RBM25: variants seen among roughly 807,000 people sequenced by gnomAD.
RBM25 encodes the protein RNA binding motif protein 25.
In RBM25, 19 loss-of-function variants were observed where a neutral mutation model predicts 120.7. That is an observed-to-expected ratio of 0.16 (90% CI 0.11 to 0.23). The LOEUF (loss-of-function observed/expected upper bound fraction) is 0.23, where lower values mean the gene tolerates loss of function less well. RBM25 is among the 10% of genes least tolerant of loss of function. The probability of loss-of-function intolerance (pLI) is 1.00; values close to 1 mark genes in which losing one functional copy is unlikely to be tolerated. For missense variants in RBM25, 605 were observed against 1,041.5 expected (o/e 0.58, Z 5.77); for synonymous variants, 390 against 326.7 (o/e 1.19, Z -2.09).
Position 73,105,959 on chromosome 14 carries a change from A to G in RBM25, c.1255A>G (p.Arg419Gly). 6.2e-7 allele frequency: 1 copy of G among 1,613,700 alleles called. No individual in the cohort carries two copies. Among genetic ancestry groups the G allele is most frequent in the East Asian group, 2.2e-5 (1 of 44,868 alleles). Residue 419 changes from arginine to glycine, a missense_variant, in exon 11 of 19, where the codon AGG (arginine) becomes GGG (glycine). Transcript: ENST00000261973. ...ACGGGAGCGAGAGAGAGAGCGAGAG[A>G]GGGAACGGGAGCGAGAAAGAGAAAA... Reference protein sequence around the residue: ...REREREREREREREREREKDK... With the variant: ...REREREREREGEREREREKDK...
intron 18 of RBM25, among the ~76,000 whole-genome samples, chr14:73,118,213 A>G (rs2140468986): frequency 6.6e-6 from 1 of 152,270 alleles, no homozygotes; most frequent in Admixed American, 6.5e-5. Context: ...CAGCAGCTCA[A>G]ACCTGTAATC....
chr14:73,089,417 C>T (rs931985865), intron 6 of RBM25, among the ~76,000 whole-genome samples: 5 of 152,020 alleles, frequency 3.3e-5, no homozygotes, highest in Non-Finnish European at 7.4e-5. Context: ...TGCAGTGGTG[C>T]GATCTTGGCT....
Position 73,077,534 on chromosome 14 carries a change from G to T in RBM25, c.322G>T (p.Ala108Ser). ...AGACATGCTTATAAGACAACTCTTA[G>T]CTGTAAGTTAAACTGTTTATTTTTC... ...ASDMLIRQLLAKCGLVLSWKR... is the reference protein window; with the variant it reads ...ASDMLIRQLLSKCGLVLSWKR... Residue 108 changes from alanine to serine, a missense_variant and splice_region_variant, in exon 4 of 19, where the codon GCT (alanine) becomes TCT (serine). Around this residue, in one of 4 missense-constraint regions of RBM25, gnomAD observed 27 missense variants for 109.4 expected, o/e 0.25. Transcript: ENST00000261973. The T allele has an allele frequency of 6.3e-7, 1 of 1,596,320 alleles. No individual in the cohort carries two copies.
chr14:73,097,910 T>C (rs2140450891), intron 7 of RBM25, among the ~76,000 whole-genome samples: 1 of 152,330 alleles, frequency 6.6e-6, no homozygotes, highest in South Asian at 2.1e-4. Flanking sequence ...AAGGTTTAGT[T>C]TTCTCATACT....
chr14:73,094,673 C>T (rs935995331), intron 6 of RBM25, among the ~76,000 whole-genome samples: 2 of 152,010 alleles, frequency 1.3e-5, no homozygotes, highest in Non-Finnish European at 2.9e-5. Flanking sequence ...CTTAGTGAGC[C>T]GCTGCACGCG....
Position 73,076,314 on chromosome 14 carries a change from C to T in RBM25, c.107-5C>T. On this transcript the variant is annotated splice_polypyrimidine_tract_variant and splice_region_variant and intron_variant, in intron 2 of 18. Transcript: ENST00000261973. ...GTAAAATCAGTGTGGTTTTTCTTTT[C>T]TTAGGGACCCCAATGATTCCTGTAC... The T allele has an allele frequency of 6.2e-7, 1 of 1,608,320 alleles. No individual in the cohort carries two copies. Among genetic ancestry groups the T allele is most frequent in the Non-Finnish European group, 8.5e-7 (1 of 1,175,728 alleles).
chr14:73,077,258 TTAAA>T, intron 3 of RBM25, 107 bp from the exon 4 acceptor site: 2 of 941,186 alleles, frequency 2.1e-6, no homozygotes, highest in South Asian at 4.0e-5. Flanking sequence ...CATGCAGAGC[TTAAA>T]TAATGTGCTA....
chr14:73,095,635 ATTAAT>A (rs1895926329), intron 6 of RBM25, among the ~76,000 whole-genome samples: 4 of 152,186 alleles, frequency 2.6e-5, no homozygotes. Flanking sequence ...TGTTGAGCAA[ATTAAT>A]TTAAGAAATA....
chr14:73,117,800 A>G (rs566345932), intron 18 of RBM25, among the ~76,000 whole-genome samples: 2 of 152,260 alleles, frequency 1.3e-5, no homozygotes, highest in South Asian at 4.2e-4. Flanking sequence ...TGAGTACTCT[A>G]AATTCCTACC....
At chr14:73,087,921 C>G (rs1298278795) in intron 5 of RBM25, 80 bp from the exon 6 acceptor site, 3 of 1,390,610 alleles carry the variant, frequency 2.2e-6, no homozygotes, top group Non-Finnish European at 2.9e-6. Context: ...CATTTGGACT[C>G]TAGTGATTCT....
intron 2 of RBM25, among the ~76,000 whole-genome samples, chr14:73,074,227 T>TG (rs1895359223): frequency 6.6e-6 from 1 of 152,268 alleles, no homozygotes; most frequent in Non-Finnish European, 1.5e-5. Context: ...TTTAATTTAT[T>TG]AATTTTTTTG....
chr14:73,067,689 C>T (rs1368275471), intron 1 of RBM25, among the ~76,000 whole-genome samples: 4 of 151,294 alleles, frequency 2.6e-5, no homozygotes, highest in East Asian at 1.9e-4. Context: ...CTGCAAGCTC[C>T]GCCTCCCAGG....
chr14:73,098,186 G>A (rs1209865036), intron 7 of RBM25, among the ~76,000 whole-genome samples: 3 of 152,198 alleles, frequency 2.0e-5, no homozygotes, highest in African/African-American at 7.2e-5. Flanking sequence ...CTGGAGGATG[G>A]TGGCGCAATT....
At chr14:73,081,247 T>G (rs1334498868) in intron 4 of RBM25, among the ~76,000 whole-genome samples, 1 of 151,904 alleles carries the variant, frequency 6.6e-6, no homozygotes, top group Non-Finnish European at 1.5e-5. Flanking sequence ...CAGTGATTCT[T>G]CTGCCTCAGC....
Position 73,101,104 on chromosome 14 carries a change from A to C in RBM25, c.867+1354A>C, listed in dbSNP as rs1044955216. 5 of 152,300 alleles carry C rather than the reference A, an allele frequency of 3.3e-5. No homozygotes were observed. In the East Asian group the frequency reaches 9.6e-4, roughly 29 times the overall value. The allele number at this position is 152,300 out of a possible 1,614,324, so 9.4% of individuals were successfully genotyped here. On this transcript the variant is annotated intron_variant, in intron 9 of 18. Transcript: ENST00000261973. ...AATCTGTTAGGCATTTTACTGCCTT[A>C]GTATTATTTCACTGGAGGGAATGTT...
At chr14:73,084,072 A>AT (rs1412922589) in intron 5 of RBM25, among the ~76,000 whole-genome samples, 12 of 151,914 alleles carry the variant, frequency 7.9e-5, no homozygotes, top group African/African-American at 2.7e-4. Flanking sequence ...TAATTTTTGT[A>AT]TTTTTAGTAG....
At chr14:73,081,723 A>G (rs1696591260) in intron 4 of RBM25, among the ~76,000 whole-genome samples, 1 of 152,194 alleles carries the variant, frequency 6.6e-6, no homozygotes, top group South Asian at 2.1e-4. Flanking sequence ...TTACCGGGAT[A>G]TAGAATTCGG....
chr14:73,091,889 G>A (rs911477411), intron 6 of RBM25, among the ~76,000 whole-genome samples: 12 of 151,754 alleles, frequency 7.9e-5, no homozygotes, highest in African/African-American at 1.9e-4. Flanking sequence ...AAAAAAAAGC[G>A]AAGTTACATG....
rs1337190155 is a variant in RBM25, at chr14:73,119,828, A to G, written c.*23A>G. The G allele has an allele frequency of 4.4e-6, 7 of 1,588,014 alleles. No homozygotes were observed. Among genetic ancestry groups the G allele is most frequent in the Middle Eastern group, 3.7e-4 (2 of 5,428 alleles). On this transcript the variant is annotated 3_prime_UTR_variant, in exon 19 of 19. Coordinates refer to ENST00000261973, the MANE Select transcript of RBM25 (RefSeq NM_021239.3). ...TAAAACTTTTTATATTTAGAGTTCCATTTCAGATTTCTTCTTTGCCACCCT... is the reference window on the plus strand; with the variant it reads ...TAAAACTTTTTATATTTAGAGTTCCGTTTCAGATTTCTTCTTTGCCACCCT...
Sources: allele counts gnomAD v4.1 joint callset (sites outside exome capture counted in the v4.1 genomes callset), GRCh38; gene constraint gnomAD v4.1.1; regional missense constraint gnomAD v4.1.1; transcripts MANE v1.5; gene names NCBI Gene and HGNC (gene_info 2026-07-23, HGNC 2026-07-21).